Variants in CCDC171 observed in about 807,000 individuals in gnomAD.
The protein encoded by CCDC171 is coiled-coil domain containing 171, also known as coiled-coil domain-containing protein 171.
Under a neutral mutation model 168.2 loss-of-function variants are expected in CCDC171, and 177 were observed. The ratio of observed to expected loss-of-function variants is 1.05; its 90% CI spans 0.93 to 1.19. The LOEUF is 1.19. Among genes scored for constraint, CCDC171 ranks in the 50% most tolerant of loss-of-function variants. The pLI is 0.00. For synonymous variants in CCDC171, 687 were observed against 540.8 expected, an observed-to-expected ratio of 1.27 and a Z score of -3.75; for missense variants, 1,991 against 1,539.0, an observed-to-expected ratio of 1.29 and a Z score of -4.91.
intron 7 of CCDC171, among the ~76,000 whole-genome samples, chr9:15,651,783 C>G (rs1165376099): frequency 6.6e-6 from 1 of 152,056 alleles, no homozygotes; most frequent in Non-Finnish European, 1.5e-5. Context: ...CATACCTTTG[C>G]TATTGTGAAT....
At chr9:15,706,216 TCTTCCTTCCTTC>T (rs148383501) in intron 11 of CCDC171, among the ~76,000 whole-genome samples, 2 of 149,320 alleles carry the variant, frequency 1.3e-5, no homozygotes, top group South Asian at 2.1e-4. Context: ...ACCCATGTAG[TCTTCCTTCCTTC>T]CTTCCTTCCT....
chr9:15,761,505 A>G (rs1033500266), intron 18 of CCDC171, among the ~76,000 whole-genome samples: 3 of 152,112 alleles, frequency 2.0e-5, no homozygotes, highest in African/African-American at 7.2e-5. Flanking sequence ...GGAATGTGAT[A>G]CAAATGCATA....
chr9:15,702,573 C>T (rs887945291), intron 11 of CCDC171, among the ~76,000 whole-genome samples: 2 of 152,096 alleles, frequency 1.3e-5, no homozygotes, highest in African/African-American at 2.4e-5. Flanking sequence ...AGAGAGTCAG[C>T]CTGTCTTTGA....
chr9:15,778,856 C>G (rs1324863005), intron 19 of CCDC171, 112 bp from the exon 20 acceptor site: 7 of 714,680 alleles, frequency 9.8e-6, no homozygotes, highest in Middle Eastern at 3.5e-4. Flanking sequence ...TCTGTAATAG[C>G]TAGCACTGGT....
intron 24 of CCDC171, among the ~76,000 whole-genome samples, chr9:15,897,645 A>C (rs1247845841): frequency 6.6e-6 from 1 of 152,172 alleles, no homozygotes; most frequent in African/African-American, 2.4e-5. Context: ...TGTCATAGCA[A>C]AATTCAAAAG....
intron 6 of CCDC171, among the ~76,000 whole-genome samples, chr9:15,595,396 G>C (rs187661027): frequency 1.3e-5 from 2 of 152,076 alleles, no homozygotes; most frequent in African/African-American, 4.8e-5. Flanking sequence ...AGAACATGTG[G>C]TGTTTGGTTT....
At chr9:15,602,014 A>C (rs761365674) in intron 6 of CCDC171, among the ~76,000 whole-genome samples, 3 of 152,192 alleles carry the variant, frequency 2.0e-5, no homozygotes, top group African/African-American at 4.8e-5. Flanking sequence ...TCTGTCTTTC[A>C]TTATGAGGTG....
intron 21 of CCDC171, among the ~76,000 whole-genome samples, chr9:15,832,707 T>C (rs2060283461): frequency 6.6e-6 from 1 of 152,212 alleles, no homozygotes; most frequent in Admixed American, 6.5e-5. Flanking sequence ...ACGTAGGACA[T>C]TACTGTATAC....
intron 16 of CCDC171, among the ~76,000 whole-genome samples, chr9:15,738,874 G>C (rs1206796857): frequency 6.6e-6 from 1 of 151,432 alleles, no homozygotes; most frequent in African/African-American, 2.4e-5. Flanking sequence ...TTCATTAATT[G>C]GGCATTTATT....
At chr9:15,756,569 G>C (rs991964854) in intron 18 of CCDC171, among the ~76,000 whole-genome samples, 1 of 152,122 alleles carries the variant, frequency 6.6e-6, no homozygotes, top group African/African-American at 2.4e-5. Context: ...CCCAGTGTCT[G>C]TTCCCATCTT....
intron 1 of CCDC171, among the ~76,000 whole-genome samples, chr9:16,049,591 A>C (rs957703759): frequency 2.0e-5 from 3 of 152,142 alleles, no homozygotes; most frequent in African/African-American, 7.2e-5. Flanking sequence ...TCCAGGACTT[A>C]CACCAGCAGC....
At chr9:15,948,499 C>G (rs1450016923) in intron 25 of CCDC171, among the ~76,000 whole-genome samples, 2 of 150,194 alleles carry the variant, frequency 1.3e-5, no homozygotes, top group Admixed American at 6.6e-5. Flanking sequence ...TGTTTCCTGA[C>G]TTTTTAATGA....
chr9:15,641,446 A>T (rs747108127), intron 7 of CCDC171, among the ~76,000 whole-genome samples: 19 of 152,352 alleles, frequency 1.2e-4, no homozygotes, highest in Admixed American at 3.3e-4. Flanking sequence ...ATCTTTCAGC[A>T]CATTCATTGT....
intron 2 of CCDC171, among the ~76,000 whole-genome samples, chr9:15,569,753 T>A (rs1029406978): frequency 6.6e-6 from 1 of 151,100 alleles, no homozygotes; most frequent in Non-Finnish European, 1.5e-5. Context: ...AGGCGGAGCT[T>A]GCAGTGAGCC....
At chr9:15,644,213 C>G (rs2046859067) in intron 7 of CCDC171, among the ~76,000 whole-genome samples, 1 of 152,166 alleles carries the variant, frequency 6.6e-6, no homozygotes, top group African/African-American at 2.4e-5. Flanking sequence ...TCTAGTTTTT[C>G]CAATTTTCTT....
At chr9:15,872,076 A>G (rs1480944460) in intron 23 of CCDC171, among the ~76,000 whole-genome samples, 1 of 151,978 alleles carries the variant, frequency 6.6e-6, no homozygotes, top group Non-Finnish European at 1.5e-5. Flanking sequence ...TATTGCATCT[A>G]TTATATATCA....
At chr9:15,557,501 C>T (rs1346325224) in intron 1 of CCDC171, among the ~76,000 whole-genome samples, 1 of 152,068 alleles carries the variant, frequency 6.6e-6, no homozygotes, top group Non-Finnish European at 1.5e-5. Flanking sequence ...CTCTTTGTAG[C>T]AATTGGGAAT....
At chr9:15,729,925 A>T (rs981812793) in intron 16 of CCDC171, 127 bp downstream of exon 16, 1 of 635,676 alleles carries the variant, frequency 1.6e-6, no homozygotes, top group African/African-American at 1.8e-5. Context: ...ACTTGTTTAG[A>T]TACACATATA....
intron 21 of CCDC171, among the ~76,000 whole-genome samples, chr9:15,805,916 T>A (rs2059052019): frequency 6.6e-6 from 1 of 152,112 alleles, no homozygotes. Context: ...TCTCTAAGAA[T>A]GTGCTTTATG....
Sources: gnomAD v4.1 joint callset for allele counts (sites outside exome capture counted in the v4.1 genomes callset) on GRCh38, gnomAD v4.1.1 for gene constraint, MANE v1.5 for transcripts, NCBI Gene and HGNC (gene_info 2026-07-23, HGNC 2026-07-21) for gene names.